NOL4L: variants seen among roughly 807,000 people sequenced by gnomAD.
The protein encoded by NOL4L is nucleolar protein 4-like.
Under a neutral mutation model 64.5 loss-of-function variants are expected in NOL4L, and 7 were observed. That is an observed-to-expected ratio of 0.11 (90% CI 0.06 to 0.20). NOL4L has a LOEUF of 0.20. Among genes scored for constraint, NOL4L ranks in the 10% least tolerant of loss-of-function variants. The pLI is 1.00. For synonymous variants in NOL4L, 413 were observed against 401.0 expected (o/e 1.03, Z -0.36); for missense variants, 680 against 967.1 (o/e 0.70, Z 3.94).
At chr20:32,490,591 G>A (rs901958308) in intron 4 of NOL4L, among the ~76,000 whole-genome samples, 1 of 152,148 alleles carries the variant, frequency 6.6e-6, no homozygotes. Flanking sequence ...CTCACAGTCA[G>A]TTTGACACCT....
intron 5 of NOL4L, among the ~76,000 whole-genome samples, chr20:32,469,669 C>A (rs1238207161): frequency 1.3e-5 from 2 of 152,236 alleles, no homozygotes; most frequent in African/African-American, 4.8e-5. Flanking sequence ...CCGCACCTGG[C>A]CTTCTCCTTT....
chr20:32,584,149 A>G (rs1980728086), intron 1 of NOL4L, among the ~76,000 whole-genome samples: 1 of 121,006 alleles, frequency 8.3e-6, no homozygotes, highest in African/African-American at 3.1e-5. Flanking sequence ...ACACACACAC[A>G]CACACACACA....
intron 5 of NOL4L, among the ~76,000 whole-genome samples, chr20:32,472,086 C>T (rs950706024): frequency 2.0e-5 from 3 of 152,202 alleles, no homozygotes; most frequent in African/African-American, 7.2e-5. Context: ...AAGAAAAGGC[C>T]CAGGTACTCA....
intron 1 of NOL4L, among the ~76,000 whole-genome samples, chr20:32,579,698 G>A (rs1180398880): frequency 2.0e-5 from 3 of 152,170 alleles, no homozygotes; most frequent in Admixed American, 2.0e-4. Context: ...GGAAGGCAGA[G>A]CCTGACCTGT....
chr20:32,524,056 T>A (rs923025373), intron 2 of NOL4L, among the ~76,000 whole-genome samples: 3 of 152,130 alleles, frequency 2.0e-5, no homozygotes, highest in African/African-American at 7.2e-5. Context: ...GGCAGCTAGA[T>A]CCGGACTGTG....
At chr20:32,567,998 A>G (rs1250814117) in intron 1 of NOL4L, among the ~76,000 whole-genome samples, 2 of 151,658 alleles carry the variant, frequency 1.3e-5, no homozygotes, top group Admixed American at 1.3e-4. Context: ...CATCATCACC[A>G]TATTCATCAC....
intron 4 of NOL4L, among the ~76,000 whole-genome samples, chr20:32,498,805 T>C (rs73105801): frequency 0.071 from 10,788 of 151,178 alleles, 556 homozygotes; most frequent in Middle Eastern, 0.15. Flanking sequence ...ACTATTTTCT[T>C]TGGGAGGCCC....
intron 5 of NOL4L, chr20:32,465,024 T>A (rs2145458852): frequency 3.2e-6 from 2 of 631,100 alleles, no homozygotes; most frequent in East Asian, 3.2e-5. Context: ...ATCATTTCTC[T>A]CTGCAGAGAC....
rs546638124 is a variant in NOL4L, at chr20:32,477,739, C to T, written c.700-2997G>A. On this transcript the variant is annotated intron_variant, in intron 4 of 10. Transcript: ENST00000621426. ...CCCTGGTGCCCTGCAATGCCTCCCTCCTGCCGCTGCCAGCCACCCCACACA... is the reference window on the plus strand; with the variant it reads ...CCCTGGTGCCCTGCAATGCCTCCCTTCTGCCGCTGCCAGCCACCCCACACA... 5.9e-5 allele frequency among the ~76,000 whole-genome samples: 9 copies of T among 152,344 alleles called. No homozygotes were observed. In the South Asian group the frequency reaches 1.9e-3, roughly 32 times the overall value.
chr20:32,530,906 AGT>A (rs2018323393), intron 1 of NOL4L, among the ~76,000 whole-genome samples: 1 of 152,094 alleles, frequency 6.6e-6, no homozygotes, highest in Admixed American at 6.6e-5. Context: ...GGGCAACAAG[AGT>A]GAAACTCCAT....
At chr20:32,473,381 C>T (rs1267317918) in intron 5 of NOL4L, among the ~76,000 whole-genome samples, 1 of 152,224 alleles carries the variant, frequency 6.6e-6, no homozygotes, top group Non-Finnish European at 1.5e-5. Flanking sequence ...TCCCCACCCC[C>T]GTGGGAACGC....
At chr20:32,452,582 C>T in intron 9 of NOL4L, 145 bp from the exon 10 acceptor site, 2 of 856,738 alleles carry the variant, frequency 2.3e-6, no homozygotes, top group Non-Finnish European at 3.5e-6. Flanking sequence ...TCTGTCTGTC[C>T]CCTCCCCCAG....
chr20:32,555,957 C>T (rs1978620031), intron 1 of NOL4L, among the ~76,000 whole-genome samples: 3 of 152,050 alleles, frequency 2.0e-5, no homozygotes, highest in Admixed American at 2.0e-4. Flanking sequence ...ATGCTCTTTC[C>T]TTCACGGCGC....
At chr20:32,511,128 C>T in intron 4 of NOL4L, 1 of 420,182 alleles carries the variant, frequency 2.4e-6, no homozygotes, top group Middle Eastern at 6.5e-4. Context: ...AAGTTTTCTC[C>T]CTGAAGACCT....
At chr20:32,550,344 T>G (rs552938066) in intron 1 of NOL4L, among the ~76,000 whole-genome samples, 2 of 152,334 alleles carry the variant, frequency 1.3e-5, no homozygotes, top group South Asian at 2.1e-4. Flanking sequence ...CCTCCCAGGT[T>G]CAAGCGATTC....
At chr20:32,559,981 CGG>C (rs1196369588) in intron 1 of NOL4L, among the ~76,000 whole-genome samples, 5 of 152,220 alleles carry the variant, frequency 3.3e-5, no homozygotes, top group Non-Finnish European at 7.4e-5. Flanking sequence ...CAGACAAAGG[CGG>C]CGGTGTGCCC....
intron 2 of NOL4L, among the ~76,000 whole-genome samples, chr20:32,524,700 T>C (rs1017368329): frequency 6.6e-6 from 1 of 152,132 alleles, no homozygotes; most frequent in African/African-American, 2.4e-5. Context: ...CAGCAGGGGT[T>C]TCCTTGGGGG....
chr20:32,521,982 G>A (rs1403362159), intron 2 of NOL4L, among the ~76,000 whole-genome samples: 1 of 152,258 alleles, frequency 6.6e-6, no homozygotes, highest in Non-Finnish European at 1.5e-5. Context: ...TCTGCGCTGC[G>A]CTTGGCCCCG....
chr20:32,471,713 T>C (rs1382452005), intron 5 of NOL4L, among the ~76,000 whole-genome samples: 3 of 152,066 alleles, frequency 2.0e-5, no homozygotes, highest in Non-Finnish European at 4.4e-5. Flanking sequence ...GTCTGGGTCA[T>C]GAGGGGCAGA....
Sources: allele counts gnomAD v4.1 joint callset (sites outside exome capture counted in the v4.1 genomes callset), GRCh38; gene constraint gnomAD v4.1.1; transcripts MANE v1.5; gene names NCBI Gene and HGNC (gene_info 2026-07-23, HGNC 2026-07-21).